Variants in CCDC57 observed in about 807,000 individuals in gnomAD.
CCDC57 encodes the protein coiled-coil domain-containing protein 57.
CCDC57 carries 118 observed loss-of-function variants against 118.9 expected under a neutral mutation model. That is an observed-to-expected ratio of 0.99 (90% CI 0.86 to 1.16). CCDC57 has a LOEUF of 1.16. Among genes scored for constraint, CCDC57 ranks in the 50% most tolerant of loss-of-function variants. The pLI is 0.00. For synonymous variants in CCDC57, 527 were observed against 532.9 expected (o/e 0.99, Z 0.15); for missense variants, 1,300 against 1,320.7 (o/e 0.98, Z 0.24).
intron 16 of CCDC57, among the ~76,000 whole-genome samples, chr17:82,148,070 G>A (rs979434454): frequency 2.0e-5 from 2 of 102,112 alleles, no homozygotes; most frequent in Non-Finnish European, 2.0e-5. Flanking sequence ...GGATGGATGG[G>A]TGGGTAGATG....
At chr17:82,115,256 G>A (rs1389237845) in intron 19 of CCDC57, among the ~76,000 whole-genome samples, 1 of 147,038 alleles carries the variant, frequency 6.8e-6, no homozygotes, top group Non-Finnish European at 1.5e-5. Context: ...ACCAGCATTC[G>A]GGCTGTCCGG....
At chr17:82,159,262 GTGTTGAGATTA>G (rs2043035267) in intron 14 of CCDC57, among the ~76,000 whole-genome samples, 1 of 152,294 alleles carries the variant, frequency 6.6e-6, no homozygotes, top group East Asian at 1.9e-4. Flanking sequence ...GACTCCCAAA[GTGTTGAGATTA>G]CAGGTGTGTA....
intron 19 of CCDC57, among the ~76,000 whole-genome samples, chr17:82,117,142 G>C (rs1012440460): frequency 2.6e-5 from 4 of 152,290 alleles, no homozygotes; most frequent in African/African-American, 9.6e-5. Flanking sequence ...TTGAGCCCAG[G>C]AGTTCGAGAC....
At chr17:82,146,409 G>T (rs928560931) in intron 16 of CCDC57, among the ~76,000 whole-genome samples, 4 of 151,842 alleles carry the variant, frequency 2.6e-5, no homozygotes, top group East Asian at 1.9e-4. Context: ...CTCCTGTGCT[G>T]CCCAGGCTGG....
intron 16 of CCDC57, among the ~76,000 whole-genome samples, chr17:82,143,132 A>T (rs531885918): frequency 6.8e-6 from 1 of 146,348 alleles, no homozygotes; most frequent in African/African-American, 2.5e-5. Flanking sequence ...TACAATGGCA[A>T]CAAGAGTGAA....
Position 82,159,081 on chromosome 17 carries a change from G to A in CCDC57, c.2041-1133C>T, listed in dbSNP as rs376530612. ...GGGGTCTTGCTGTGTTGCCCAGGCT[G>A]ATTTCAAACTGCTGAGCTCAAATAA... On this transcript the variant is annotated intron_variant, in intron 14 of 19. Transcript: ENST00000665763. Among the ~76,000 whole-genome samples the A allele has an allele frequency of 7.9e-5, 12 of 152,334 alleles. No individual in the cohort carries two copies. In the South Asian group the frequency reaches 2.3e-3, roughly 29 times the overall value.
In CCDC57 at chr17:82,118,930, C is replaced by T. The variant is rs948542478; in HGVS notation, c.2899+8762G>A. Among the ~76,000 whole-genome samples the T allele has an allele frequency of 5.3e-5, 8 of 151,564 alleles. No individual in the cohort carries two copies. The highest frequency in any genetic ancestry group is 9.7e-5 in the African/African-American group (4 of 41,160). ...GTGGTTTGCCTTGGAGTCCCTCCCT[C>T]GCCCTGGAATGCCTGGTAGTGTGTG... On this transcript the variant is annotated intron_variant, in intron 19 of 19. Coordinates refer to ENST00000665763, the Ensembl canonical transcript of CCDC57. The surrounding 1 kb of genome is among the most constrained non-coding windows in gnomAD (Gnocchi z 4.7).
chr17:82,206,744 A>C (rs1023822622), intron 2 of CCDC57, among the ~76,000 whole-genome samples: 6 of 152,190 alleles, frequency 3.9e-5, no homozygotes, highest in African/African-American at 1.4e-4. Context: ...ACTTGAAGCC[A>C]GTGGTCAGTC....
intron 19 of CCDC57, among the ~76,000 whole-genome samples, chr17:82,120,548 G>C (rs1409501451): frequency 6.6e-6 from 1 of 152,138 alleles, no homozygotes; most frequent in Non-Finnish European, 1.5e-5. Context: ...CAGTTTCCAA[G>C]GTTTTAAGGA....
chr17:82,121,458 C>T (rs28530539), intron 19 of CCDC57, among the ~76,000 whole-genome samples: 1,922 of 152,250 alleles, frequency 0.013, 41 homozygotes, highest in African/African-American at 0.044. Flanking sequence ...CGCCTGGAGC[C>T]GGGTCATAGG....
chr17:82,108,510 G>C (rs556919087), intron 19 of CCDC57, among the ~76,000 whole-genome samples: 1 of 152,294 alleles, frequency 6.6e-6, no homozygotes, highest in East Asian at 1.9e-4. Flanking sequence ...TCATGTTATC[G>C]CTGGCTCTGA....
intron 9 of CCDC57, among the ~76,000 whole-genome samples, chr17:82,182,479 G>A (rs557927361): frequency 2.0e-5 from 3 of 151,332 alleles, no homozygotes; most frequent in Admixed American, 1.3e-4. Flanking sequence ...TCAGCCCCCC[G>A]AGTAGCTGGG....
chr17:82,190,633 T>G (rs2047551112), intron 7 of CCDC57, among the ~76,000 whole-genome samples: 1 of 144,604 alleles, frequency 6.9e-6, no homozygotes. Flanking sequence ...AGGCAGAGGT[T>G]GCAGCGAGCT....
chr17:82,123,365 G>C (rs998215260), intron 19 of CCDC57, among the ~76,000 whole-genome samples: 6 of 147,188 alleles, frequency 4.1e-5, no homozygotes, highest in African/African-American at 1.5e-4. Flanking sequence ...CTGAGTTCAA[G>C]CGATCCTCCC....
rs558085290 is a variant in CCDC57, at chr17:82,140,242, C to G, written c.2456-6048G>C. 1.1e-4 allele frequency among the ~76,000 whole-genome samples: 16 copies of G among 152,296 alleles called. 1 individual carries two copies. The South Asian group carries it at 3.1e-3, about 30-fold the overall frequency. On this transcript the variant is annotated intron_variant, in intron 16 of 19. Coordinates refer to ENST00000665763, the Ensembl canonical transcript of CCDC57. ...CTGGGACTACAGATGCCCGCCACCACGCCCAGCTAATTTTTTTGTATTCTT... is the reference window on the plus strand; with the variant it reads ...CTGGGACTACAGATGCCCGCCACCAGGCCCAGCTAATTTTTTTGTATTCTT...
At chr17:82,179,004 C>T (rs769811323) in intron 10 of CCDC57, 23 bp downstream of exon 9, 1 of 1,609,852 alleles carries the variant, frequency 6.2e-7, no homozygotes, top group African/African-American at 1.3e-5. Context: ...GAGAAGGCCC[C>T]AGGCCCTGGT....
chr17:82,194,309 C>CTTTT (rs10626911), intron 5 of CCDC57, 170 bp from the exon 5 acceptor site: 232 of 516,896 alleles, frequency 4.5e-4, no homozygotes, highest in East Asian at 1.4e-3. Flanking sequence ...GACTCAATGA[C>CTTTT]TTTTTTTTTT....
chr17:82,159,765 G>A lies in CCDC57; in HGVS notation c.2041-1817C>T, dbSNP rs192160557. ...CAGCTCACTGCAACCTCCGCCTCCC[G>A]GGTTCAAGCAATTGCCTTGCCTCAG... On this transcript the variant is annotated intron_variant, in intron 14 of 19. Transcript: ENST00000665763. Among the ~76,000 whole-genome samples the A allele has an allele frequency of 5.6e-3, 843 of 151,472 alleles. 7 individuals are homozygous for A. Among genetic ancestry groups the A allele is most frequent in the Admixed American group, 0.013 (195 of 15,198 alleles).
chr17:82,188,395 G>T lies in CCDC57; in HGVS notation c.876C>A (p.Ala292=), dbSNP rs564343745. Reference sequence around the variant, plus strand: ...CCACCAGCACTGCATCCTTCTCCCTGGCCAGACGGTCGAGCTCCTCATGCC... The same window carrying T: ...CCACCAGCACTGCATCCTTCTCCCTTGCCAGACGGTCGAGCTCCTCATGCC... Residue 292 remains alanine, a synonymous_variant, in exon 8 of 20, where the codon GCC becomes GCA. Coordinates refer to ENST00000665763, the Ensembl canonical transcript of CCDC57. The T allele has an allele frequency of 4.0e-5, 64 of 1,611,690 alleles. No homozygotes were observed. The African/African-American group carries it at 5.5e-4, about 14-fold the overall frequency.
Sources: allele counts gnomAD v4.1 joint callset (sites outside exome capture counted in the v4.1 genomes callset), GRCh38; gene constraint gnomAD v4.1.1; non-coding constraint Gnocchi (gnomAD v3.1); transcripts MANE v1.5; gene names NCBI Gene and HGNC (gene_info 2026-07-23, HGNC 2026-07-21).